Variants in HECW1 observed in about 807,000 individuals in gnomAD.
HECW1 encodes E3 ubiquitin-protein ligase HECW1.
Under a neutral mutation model 182.3 loss-of-function variants are expected in HECW1, and 61 were observed. The observed-to-expected ratio is 0.33, with a 90% CI of 0.27 to 0.41. The LOEUF (loss-of-function observed/expected upper bound fraction) is 0.41. HECW1 is among the 10% of genes least tolerant of loss of function. The pLI, the probability that HECW1 is intolerant of heterozygous loss-of-function variation, is 1.00. For missense variants in HECW1, 1,739 were observed against 2,108.9 expected (o/e 0.82, Z 3.44); for synonymous variants, 859 against 832.6 (o/e 1.03, Z -0.55).
At chr7:43,463,509 T>C (rs2152894460) in intron 13 of HECW1, 151 bp from the exon 14 acceptor site, 1 of 674,794 alleles carries the variant, frequency 1.5e-6, no homozygotes, top group East Asian at 2.9e-5. Flanking sequence ...GTCTTGCTAA[T>C]TGTTCTGGCT....
chr7:43,538,902 T>C (rs1205225094), intron 24 of HECW1, among the ~76,000 whole-genome samples: 1 of 152,190 alleles, frequency 6.6e-6, no homozygotes, highest in Non-Finnish European at 1.5e-5. Flanking sequence ...TACTGTTAAA[T>C]ATATTGCTGA....
At chr7:43,124,664 A>G (rs56695153) in intron 2 of HECW1, among the ~76,000 whole-genome samples, 1 of 152,316 alleles carries the variant, frequency 6.6e-6, no homozygotes, top group African/African-American at 2.4e-5. Flanking sequence ...GGCATCAACG[A>G]TCGAGGTGCA....
chr7:43,200,410 T>C (rs555832777), intron 2 of HECW1, among the ~76,000 whole-genome samples: 3 of 152,230 alleles, frequency 2.0e-5, no homozygotes, highest in Non-Finnish European at 4.4e-5. Flanking sequence ...ACTCAATTAG[T>C]CAAATGATCA....
chr7:43,468,189 A>C (rs1054210489), intron 15 of HECW1, among the ~76,000 whole-genome samples: 2 of 151,904 alleles, frequency 1.3e-5, no homozygotes, highest in Admixed American at 6.6e-5. Context: ...ACATACACAC[A>C]CACAAGTTTT....
At chr7:43,361,129 G>A (rs1815848977) in intron 6 of HECW1, 149 bp downstream of exon 6, 1 of 537,110 alleles carries the variant, frequency 1.9e-6, no homozygotes. Flanking sequence ...CTGATAGATT[G>A]ATTATGAATA....
chr7:43,401,427 C>CAG (rs1368074344), intron 7 of HECW1, among the ~76,000 whole-genome samples: 6 of 152,198 alleles, frequency 3.9e-5, no homozygotes, highest in Admixed American at 2.6e-4. Context: ...TCAGAACAAA[C>CAG]TGAACAGAAA....
intron 6 of HECW1, among the ~76,000 whole-genome samples, chr7:43,390,225 G>T (rs901156056): frequency 2.1e-4 from 32 of 152,026 alleles, no homozygotes; most frequent in African/African-American, 6.5e-4. Flanking sequence ...CTGGAAGCTG[G>T]CTTGGTGATG....
intron 3 of HECW1, among the ~76,000 whole-genome samples, chr7:43,291,980 G>A (rs1454428222): frequency 6.6e-6 from 1 of 152,172 alleles, no homozygotes; most frequent in Non-Finnish European, 1.5e-5. Flanking sequence ...TTAAGTCCCT[G>A]CCTTCTCCAT....
At chr7:43,216,991 C>G (rs13225071) in intron 2 of HECW1, among the ~76,000 whole-genome samples, 1 of 151,920 alleles carries the variant, frequency 6.6e-6, no homozygotes, top group Non-Finnish European at 1.5e-5. Context: ...ACCAGAGGGA[C>G]CAGCTGTCAA....
intron 2 of HECW1, among the ~76,000 whole-genome samples, chr7:43,210,797 C>A (rs1240960294): frequency 1.3e-5 from 2 of 152,178 alleles, no homozygotes; most frequent in African/African-American, 4.8e-5. Flanking sequence ...ACAGCAGACA[C>A]CCTGCCAGAT....
In HECW1 at chr7:43,493,121, A is replaced by G. The variant is rs1488419166; in HGVS notation, c.3378A>G (p.Pro1126=). ...AGATTGTGGCATTTCTTCGCCAGCC[A>G]AACATTTTTGAAATGCTGCAAGAGC... ...NDKIVAFLRQ[P]NIFEMLQERQ... The change falls in exon 19 of 30, where the codon CCA becomes CCG. Residue 1126 remains proline (P), a synonymous_variant. Coordinates refer to ENST00000395891, the MANE Select transcript of HECW1 (RefSeq NM_015052.5). 6.2e-7 allele frequency: 1 copy of G among 1,613,718 alleles called. No homozygotes were observed. The highest frequency in any genetic ancestry group is 1.3e-5 in the African/African-American group (1 of 74,904).
chr7:43,354,937 A>G (rs1814914951), intron 5 of HECW1, among the ~76,000 whole-genome samples: 1 of 152,056 alleles, frequency 6.6e-6, no homozygotes, highest in Admixed American at 6.6e-5. Flanking sequence ...CAAAGAACAT[A>G]TAAAGGAACT....
At chr7:43,431,329 CTCAG>C (rs1246953840) in intron 8 of HECW1, among the ~76,000 whole-genome samples, 10 of 152,188 alleles carry the variant, frequency 6.6e-5, no homozygotes, top group Admixed American at 5.9e-4. Context: ...CTTTGGGACA[CTCAG>C]TCATTCAGCC....
rs1021455153 is a variant in HECW1, at chr7:43,340,512, C to T, written c.460+19770C>T. ...CTGGGATTACAGGTGTGAGCCACTGCGCCCGGCCTCTAATTACCTTTGAAC... is the reference window on the plus strand; with the variant it reads ...CTGGGATTACAGGTGTGAGCCACTGTGCCCGGCCTCTAATTACCTTTGAAC... On this transcript the variant is annotated intron_variant, in intron 5 of 29. Coordinates refer to ENST00000395891, the MANE Select transcript of HECW1 (RefSeq NM_015052.5). 7.9e-5 allele frequency among the ~76,000 whole-genome samples: 12 copies of T among 151,438 alleles called. 3 individuals are homozygous for T. The highest frequency in any genetic ancestry group is 2.7e-4 in the African/African-American group (11 of 40,826).
At position 43,326,933 on chromosome 7, in the gene HECW1, C is replaced by T. The variant is rs1290233026; in HGVS notation, c.460+6191C>T. 5.3e-5 allele frequency among the ~76,000 whole-genome samples: 8 copies of T among 152,354 alleles called. No homozygotes were observed. The East Asian group carries it at 1.5e-3, about 29-fold the overall frequency. On this transcript the variant is annotated intron_variant, in intron 5 of 29. Coordinates refer to ENST00000395891, the MANE Select transcript of HECW1 (RefSeq NM_015052.5). ...GAGGCACCAGCACCAAGACTAGACA[C>T]AGGGGCTTCATCAGGCCACAGTCCA...
Position 43,407,502 on chromosome 7 carries a change from A to G in HECW1, c.632-60A>G, listed in dbSNP as rs2075650826. The G allele has an allele frequency of 2.3e-6, 3 of 1,285,762 alleles. No homozygotes were observed. In the East Asian group the frequency reaches 7.6e-5, roughly 32 times the overall value. 79.6% of individuals were successfully genotyped at this position (1,285,762 alleles called of 1,614,324 possible). A position where few individuals can be genotyped will look rare whatever the true frequency, so the allele number is the denominator to read the frequency against. ...TCCTCTCATGAAAGGTGTGGTTACC[A>G]AATGCCAGTCGTTAACCTCCCTAAA... On this transcript the variant is annotated intron_variant, in intron 7 of 29. Transcript: ENST00000395891.
chr7:43,382,863 A>G (rs2074612874), intron 6 of HECW1, among the ~76,000 whole-genome samples: 1 of 152,162 alleles, frequency 6.6e-6, no homozygotes, highest in Non-Finnish European at 1.5e-5. Context: ...TGCTGCACCC[A>G]TCAACCCGTC....
intron 17 of HECW1, among the ~76,000 whole-genome samples, chr7:43,484,857 C>T (rs1045000913): frequency 1.3e-5 from 2 of 152,166 alleles, no homozygotes; most frequent in African/African-American, 4.8e-5. Flanking sequence ...CAAAGCAGGC[C>T]TTATCTCTCC....
At chr7:43,414,557 G>C (rs1020935688) in intron 8 of HECW1, among the ~76,000 whole-genome samples, 1 of 150,970 alleles carries the variant, frequency 6.6e-6, no homozygotes, top group Non-Finnish European at 1.5e-5. Flanking sequence ...AATGCTTCCA[G>C]TTTTTGCCCA....
Sources: allele counts gnomAD v4.1 joint callset (sites outside exome capture counted in the v4.1 genomes callset), GRCh38; gene constraint gnomAD v4.1.1; transcripts MANE v1.5; gene names NCBI Gene and HGNC (gene_info 2026-07-23, HGNC 2026-07-21).